The following PDXDC1 variants were observed in gnomAD, a reference collection of about 807,000 sequenced individuals.
PDXDC1 encodes the protein pyridoxal-dependent decarboxylase domain-containing protein 1.
In PDXDC1, 42 loss-of-function variants were observed where a neutral mutation model predicts 100.1. That is an observed-to-expected ratio of 0.42 (90% confidence interval 0.33 to 0.54). The LOEUF (loss-of-function observed/expected upper bound fraction) is 0.54. Ranked by LOEUF, PDXDC1 falls within the 20% of genes least tolerant of loss-of-function variation. The probability of loss-of-function intolerance (pLI) is 0.10; values close to 1 mark genes in which losing one functional copy is unlikely to be tolerated. For synonymous variants in PDXDC1, 260 were observed against 371.7 expected (o/e 0.70, Z 3.46); for missense variants, 636 against 979.2 (o/e 0.65, Z 4.68).
chr16:15,099,669 A>G (rs1360127441), intron 16 of PDXDC1, among the ~76,000 whole-genome samples: 1 of 152,092 alleles, frequency 6.6e-6, no homozygotes, highest in Non-Finnish European at 1.5e-5. Flanking sequence ...GAGAAACAAC[A>G]AAAAGCATGC....
chr16:15,039,840 G>C (rs2043728874), downstream of PDXDC1: 2 of 664,632 alleles, frequency 3.0e-6, no homozygotes, highest in South Asian at 3.5e-5. Flanking sequence ...TGTATGTGCT[G>C]GTCCCTGATA....
chr16:15,065,181 A>T (rs573488753), intron 16 of PDXDC1: 7 of 1,551,334 alleles, frequency 4.5e-6, no homozygotes, highest in Non-Finnish European at 5.2e-6. Flanking sequence ...AAAAAAAAAA[A>T]TCCACCTCCT....
chr16:15,081,949 T>C lies in PDXDC1; in HGVS notation c.1399+51893T>C, dbSNP rs540723879. On this transcript the variant is annotated intron_variant, in intron 16 of 16. Transcript: ENST00000535621. ...TCAATTGTCTTGAACAACTGGTTAG[T>C]GTATGTTAGTCTTCTGTCCCGTAAC... Among the ~76,000 whole-genome samples, 3 of 152,314 alleles carry C rather than the reference T, an allele frequency of 2.0e-5. No homozygotes were observed. The South Asian group carries it at 6.2e-4, about 32-fold the overall frequency.
intron 19 of PDXDC1, 130 bp from the exon 20 acceptor site, chr16:15,034,156 T>C (rs2043247213): frequency 1.4e-6 from 1 of 726,540 alleles, no homozygotes; most frequent in African/African-American, 1.8e-5. Context: ...CTGTTCGTTT[T>C]ACGCCGGCTT....
intron 16 of PDXDC1, among the ~76,000 whole-genome samples, chr16:15,089,539 G>A (rs1008752254): frequency 5.3e-5 from 8 of 152,066 alleles, no homozygotes; most frequent in African/African-American, 1.7e-4. Context: ...GGTTACTCAC[G>A]CCTCTAATCC....
In PDXDC1 at chr16:15,033,002, A is replaced by G. The variant is rs766907058; in HGVS notation, c.1690+23A>G. Reference sequence around the variant, plus strand: ...TAGGTAACTGCTTACTTTGTAAGTCAGCTGTGGGGTTTGGAAGGACACTTG... The same window carrying G: ...TAGGTAACTGCTTACTTTGTAAGTCGGCTGTGGGGTTTGGAAGGACACTTG... On this transcript the variant is annotated intron_variant, in intron 18 of 22. Transcript: ENST00000396410. 3.6e-6 allele frequency: 5 copies of G among 1,385,144 alleles called. No homozygotes were observed. In the South Asian group the frequency reaches 5.8e-5, roughly 16 times the overall value. The allele number at this position is 1,385,144 out of a possible 1,614,324, so 85.8% of individuals were successfully genotyped here. A position where few individuals can be genotyped will look rare whatever the true frequency, so the allele number is the denominator to read the frequency against.
intron 16 of PDXDC1, chr16:15,083,892 T>G (rs796921867): frequency 6.9e-6 from 2 of 287,878 alleles, no homozygotes; most frequent in South Asian, 6.8e-5. Flanking sequence ...AATTTTGTAT[T>G]TTTAGTAGAG....
chr16:15,063,472 G>A (rs942542656), intron 16 of PDXDC1, among the ~76,000 whole-genome samples: 9 of 152,078 alleles, frequency 5.9e-5, no homozygotes, highest in Non-Finnish European at 1.3e-4. Flanking sequence ...ACTTTGGGAG[G>A]CTGAGGTGGG....
At chr16:15,089,979 C>A (rs1421690042) in intron 16 of PDXDC1, among the ~76,000 whole-genome samples, 1 of 151,602 alleles carries the variant, frequency 6.6e-6, no homozygotes, top group Admixed American at 6.6e-5. Flanking sequence ...GAGGCCAAGG[C>A]GGGCAGGTCA....
intron 20 of PDXDC1, 39 bp downstream of exon 20, chr16:15,034,417 G>A (rs368415992): frequency 1.6e-5 from 26 of 1,613,146 alleles, no homozygotes; most frequent in South Asian, 3.3e-5. Flanking sequence ...GGGAGCCGCC[G>A]TGAGGCCAGG....
intron 11 of PDXDC1, among the ~76,000 whole-genome samples, chr16:15,017,852 T>G (rs983897587): frequency 6.6e-6 from 1 of 151,516 alleles, no homozygotes; most frequent in Non-Finnish European, 1.5e-5. Context: ...AGTGCAATGG[T>G]GAGATGATCT....
chr16:14,992,457 T>C (rs1971063758), intron 1 of PDXDC1, among the ~76,000 whole-genome samples: 1 of 152,286 alleles, frequency 6.6e-6, no homozygotes, highest in African/African-American at 2.4e-5. Context: ...GCAGTGAGGA[T>C]CGTCAGGAGC....
Position 15,031,748 on chromosome 16 carries a change from G to C in PDXDC1, c.1413G>C (p.Arg471=). The C allele has an allele frequency of 2.5e-6, 4 of 1,610,878 alleles. No homozygotes were observed. Among genetic ancestry groups the C allele is most frequent in the Non-Finnish European group, 3.4e-6 (4 of 1,177,456 alleles). ...GAACATCTTCAGTTTTAGGAACTCGGGGAGAGGATGTGGATCAGCTCGTAG... is the reference window on the plus strand; with the variant it reads ...GAACATCTTCAGTTTTAGGAACTCGCGGAGAGGATGTGGATCAGCTCGTAG... ...PLMTAAVLGT[R]GEDVDQLVAC... Residue 471 remains arginine, a synonymous_variant, in exon 17 of 23, where the codon CGG becomes CGC. Transcript: ENST00000396410.
chr16:15,077,979 G>A (rs1233486472), intron 16 of PDXDC1, among the ~76,000 whole-genome samples: 1 of 152,298 alleles, frequency 6.6e-6, no homozygotes, highest in Non-Finnish European at 1.5e-5. Context: ...TCAATCAACT[G>A]AGCAGAAAAA....
chr16:15,072,687 T>C (rs2031560252), intron 16 of PDXDC1, among the ~76,000 whole-genome samples: 1 of 151,802 alleles, frequency 6.6e-6, no homozygotes, highest in African/African-American at 2.4e-5. Context: ...GTCCCAGCTA[T>C]CGAGAGGGTA....
intron 16 of PDXDC1, chr16:15,128,107 G>A (rs775724469): frequency 1.1e-4 from 173 of 1,608,428 alleles, no homozygotes; most frequent in African/African-American, 1.6e-4. Flanking sequence ...TGATGATGAC[G>A]TGCTGCAGGA....
Position 15,033,443 on chromosome 16 carries a change from C to G in PDXDC1, c.1812+44C>G. 1.3e-6 allele frequency: 2 copies of G among 1,599,810 alleles called. 1 individual carries two copies. Among genetic ancestry groups the G allele is most frequent in the Non-Finnish European group, 1.7e-6 (2 of 1,168,090 alleles). On this transcript the variant is annotated intron_variant, in intron 19 of 22. Transcript: ENST00000396410. The stretch of plus-strand genomic sequence containing the variant: ...TGTTCATTCCTCTTCTGAGTTTTGT[C>G]CCACCAAACAGCAGGGGCCACGAGG...
At chr16:15,131,754 G>C in intron 16 of PDXDC1, 2 of 1,037,938 alleles carry the variant, frequency 1.9e-6, no homozygotes, top group Non-Finnish European at 2.8e-6. Context: ...GGCAGAGGGA[G>C]GGTGGGGGCA....
intron 16 of PDXDC1, among the ~76,000 whole-genome samples, chr16:15,069,293 G>A (rs1332661002): frequency 6.6e-6 from 1 of 152,148 alleles, no homozygotes; most frequent in East Asian, 1.9e-4. Flanking sequence ...GCAGAGGACA[G>A]CCCCCGACGA....
Sources: gnomAD v4.1 joint callset for allele counts (sites outside exome capture counted in the v4.1 genomes callset) on GRCh38, gnomAD v4.1.1 for gene constraint, MANE v1.5 for transcripts, NCBI Gene and HGNC (gene_info 2026-07-23, HGNC 2026-07-21) for gene names.